The following CDH7 variants were observed in gnomAD, a reference collection of about 807,000 sequenced individuals.
CDH7 encodes the protein cadherin 7, also known as cadherin-7.
Under a neutral mutation model 71.8 loss-of-function variants are expected in CDH7, and 25 were observed. That is an observed-to-expected ratio of 0.35 (90% CI 0.25 to 0.49). The LOEUF (loss-of-function observed/expected upper bound fraction) is 0.49. Ranked by LOEUF, CDH7 falls within the 20% of genes least tolerant of loss-of-function variation. The pLI, the probability that CDH7 is intolerant of heterozygous loss-of-function variation, is 0.99. For missense variants in CDH7, 862 were observed against 974.6 expected, an observed-to-expected ratio of 0.88 and a Z score of 1.54; for synonymous variants, 381 against 363.8, an observed-to-expected ratio of 1.05 and a Z score of -0.54.
chr18:65,787,414 T>C (rs1399811889), intron 2 of CDH7, among the ~76,000 whole-genome samples: 1 of 152,204 alleles, frequency 6.6e-6, no homozygotes, highest in East Asian at 1.9e-4. Context: ...CAAGGATTTA[T>C]TGAGCGTTTG....
rs539146911 is a variant in CDH7, at chr18:65,881,253, T to C, written c.*359T>C. The stretch of plus-strand genomic sequence containing the variant: ...TTGTCAGTGAGTCAAAGATGCCCTG[T>C]ACATACCTTCATGGTACTGTCATTG... On this transcript the variant is annotated 3_prime_UTR_variant, in exon 12 of 12. Transcript: ENST00000397968. The C allele has an allele frequency of 1.1e-5, 2 of 174,786 alleles. No homozygotes were observed. The highest frequency in any genetic ancestry group is 3.2e-4 in the East Asian group (2 of 6,318). 10.8% of individuals were successfully genotyped at this position (174,786 alleles called of 1,614,324 possible).
At chr18:65,783,720 G>T (rs1013962643) in intron 2 of CDH7, among the ~76,000 whole-genome samples, 3 of 152,102 alleles carry the variant, frequency 2.0e-5, no homozygotes, top group African/African-American at 7.2e-5. Context: ...TATTTTATTA[G>T]TCTAACCTTT....
intron 2 of CDH7, among the ~76,000 whole-genome samples, chr18:65,763,594 G>GTGTGTGTGT (rs1555680614): frequency 1.0e-5 from 1 of 99,130 alleles, no homozygotes; most frequent in Non-Finnish European, 2.0e-5. Flanking sequence ...TTGATAGGGG[G>GTGTGTGTGT]GTGTGTGTGT....
At chr18:65,854,920 C>CGTATATATATATAT (rs61208244) in intron 7 of CDH7, among the ~76,000 whole-genome samples, 11 of 145,446 alleles carry the variant, frequency 7.6e-5, no homozygotes, top group African/African-American at 2.7e-4. Context: ...TATGTGTACA[C>CGTATATATATATAT]ATATATATAT....
chr18:65,781,784 T>TTTCTA lies in CDH7; in HGVS notation c.210+18733_210+18734insTCTAT, dbSNP rs1568181328. 4.1e-4 allele frequency among the ~76,000 whole-genome samples: 26 copies of TTTCTA among 64,098 alleles called. 2 individuals are homozygous for TTTCTA. Among genetic ancestry groups the TTTCTA allele is most frequent in the African/African-American group, 1.3e-3 (11 of 8,712 alleles). 42.1% of individuals were successfully genotyped at this position (64,098 alleles called of 152,430 possible). A position where few individuals can be genotyped will look rare whatever the true frequency, so the allele number is the denominator to read the frequency against. On this transcript the variant is annotated intron_variant, in intron 2 of 11. Transcript: ENST00000397968. ...TTTCTTTCTTTCCTTCCTTCCTTCC[T>TTTCTA]TCCTTCCTTCCTTCCTTCCTTCCTT...
chr18:65,797,484 G>A (rs1373966424), intron 2 of CDH7, among the ~76,000 whole-genome samples: 1 of 152,128 alleles, frequency 6.6e-6, no homozygotes, highest in Non-Finnish European at 1.5e-5. Flanking sequence ...GCTTAGAAGA[G>A]ACTTTGTTTT....
intron 1 of CDH7, among the ~76,000 whole-genome samples, chr18:65,753,697 G>C (rs755017285): frequency 6.6e-6 from 1 of 152,150 alleles, no homozygotes; most frequent in Non-Finnish European, 1.5e-5. Context: ...TCTCCCCAGC[G>C]TCTGACAAGC....
At chr18:65,776,652 T>C (rs762027934) in intron 2 of CDH7, among the ~76,000 whole-genome samples, 2 of 152,168 alleles carry the variant, frequency 1.3e-5, no homozygotes, top group Admixed American at 6.6e-5. Flanking sequence ...TTCTTGACCA[T>C]GCCTTAGGTC....
At chr18:65,826,894 A>C (rs1413806586) in intron 6 of CDH7, among the ~76,000 whole-genome samples, 1 of 146,566 alleles carries the variant, frequency 6.8e-6, no homozygotes, top group Non-Finnish European at 1.5e-5. Context: ...TGAAGTTCTT[A>C]AGTTTGTGTA....
intron 2 of CDH7, among the ~76,000 whole-genome samples, chr18:65,787,684 C>G (rs980079080): frequency 3.3e-5 from 5 of 152,172 alleles, no homozygotes. Context: ...TGTGATTACT[C>G]ATTTAGTGGT....
chr18:65,782,072 T>C (rs1371704666), intron 2 of CDH7, among the ~76,000 whole-genome samples: 2,180 of 65,480 alleles, frequency 0.033, 435 homozygotes, highest in African/African-American at 0.045. Context: ...CTTTCTTTCT[T>C]TCTTTCTTTC....
chr18:65,862,980 G>A, intron 11 of CDH7, 63 bp downstream of exon 11: 1 of 1,527,508 alleles, frequency 6.5e-7, no homozygotes, highest in Admixed American at 1.8e-5. Context: ...GTCACGACTT[G>A]CCTATTATCT....
At chr18:65,778,544 T>C (rs1049554616) in intron 2 of CDH7, among the ~76,000 whole-genome samples, 8 of 149,546 alleles carry the variant, frequency 5.3e-5, no homozygotes, top group Non-Finnish European at 1.2e-4. Context: ...TTTTTTTTTT[T>C]TTTTTACATA....
intron 1 of CDH7, among the ~76,000 whole-genome samples, chr18:65,751,506 G>T (rs1412613184): frequency 6.6e-6 from 1 of 152,122 alleles, no homozygotes; most frequent in Non-Finnish European, 1.5e-5. Flanking sequence ...CCACAAGCAG[G>T]CTCCTCCCTC....
chr18:65,840,567 GT>G (rs988645706), intron 6 of CDH7, among the ~76,000 whole-genome samples: 14 of 152,090 alleles, frequency 9.2e-5, no homozygotes, highest in Non-Finnish European at 1.5e-4. Flanking sequence ...CATGGAGGTG[GT>G]TTCCCCCCAT....
chr18:65,772,508 C>T (rs1916575335), intron 2 of CDH7, among the ~76,000 whole-genome samples: 1 of 152,084 alleles, frequency 6.6e-6, no homozygotes, highest in African/African-American at 2.4e-5. Flanking sequence ...GAGTTCTAGT[C>T]ATTGCGATTT....
intron 4 of CDH7, among the ~76,000 whole-genome samples, chr18:65,818,686 A>G (rs978628387): frequency 8.5e-5 from 13 of 152,210 alleles, no homozygotes; most frequent in African/African-American, 3.1e-4. Context: ...TCAGTTCATT[A>G]CCAGTTATAT....
At chr18:65,856,491 G>A (rs943797269) in intron 7 of CDH7, among the ~76,000 whole-genome samples, 2 of 152,098 alleles carry the variant, frequency 1.3e-5, no homozygotes, top group Non-Finnish European at 2.9e-5. Flanking sequence ...TGGATAGAGA[G>A]TAAGATGCTT....
rs1025947136 is a variant in CDH7, at chr18:65,890,041, C to A, written c.*9147C>A. The A allele has an allele frequency of 2.0e-5, 3 of 152,072 alleles. No homozygotes were observed. Among genetic ancestry groups the A allele is most frequent in the Non-Finnish European group, 4.4e-5 (3 of 68,026 alleles). 9.4% of individuals were successfully genotyped at this position (152,072 alleles called of 1,614,324 possible). ...TCAAGTTATCCTCCTGCCTCTGCCT[C>A]CTTAAATACTGGAATTACAGGTGTG... On this transcript the variant is annotated 3_prime_UTR_variant, in exon 12 of 12. Transcript: ENST00000397968.
Sources: allele counts gnomAD v4.1 joint callset (sites outside exome capture counted in the v4.1 genomes callset), GRCh38; gene constraint gnomAD v4.1.1; transcripts MANE v1.5; gene names NCBI Gene and HGNC (gene_info 2026-07-23, HGNC 2026-07-21).